The following CTNNA2 variants were observed in gnomAD, a reference collection of about 807,000 sequenced individuals.
The protein encoded by CTNNA2 is catenin alpha 2.
In CTNNA2, 42 loss-of-function variants were observed where a neutral mutation model predicts 101.0. The observed-to-expected ratio is 0.42, with a 90% CI of 0.32 to 0.54. CTNNA2 has a LOEUF of 0.54. Ranked by LOEUF, CTNNA2 falls within the 20% of genes least tolerant of loss-of-function variation. CTNNA2 has a pLI of 0.14. For synonymous variants in CTNNA2, 450 were observed against 456.4 expected (o/e 0.99, Z 0.18); for missense variants, 871 against 1,223.1 (o/e 0.71, Z 4.29).
chr2:79,693,518 C>G (rs1012021755), intron 2 of CTNNA2, among the ~76,000 whole-genome samples: 1 of 151,712 alleles, frequency 6.6e-6, no homozygotes, highest in Non-Finnish European at 1.5e-5. Context: ...TGTTTTTGTA[C>G]TAATGGGAAT....
intron 1 of CTNNA2, among the ~76,000 whole-genome samples, chr2:79,635,504 C>T (rs1172131399): frequency 1.3e-5 from 2 of 151,640 alleles, no homozygotes; most frequent in African/African-American, 4.8e-5. Context: ...GATAGTTCTT[C>T]TTCTTCTTTT....
rs139069744 is a variant in CTNNA2, at chr2:80,091,511, G to A, written c.1056+181714G>A. 3.2e-3 allele frequency among the ~76,000 whole-genome samples: 483 copies of A among 152,242 alleles called. 3 individuals carry two copies. The highest frequency in any genetic ancestry group is 0.011 in the African/African-American group (459 of 41,546). ...AAACGATTAGAGAATTCTGATGATA[G>A]CTGTGGGGATTTGGGCTAGAGCCAG... On this transcript the variant is annotated intron_variant, in intron 7 of 18. Transcript: ENST00000402739.
chr2:80,353,089 T>G (rs2149301881), intron 7 of CTNNA2, among the ~76,000 whole-genome samples: 1 of 152,220 alleles, frequency 6.6e-6, no homozygotes, highest in Middle Eastern at 3.4e-3. Context: ...TTCATCTTGT[T>G]CCACCAAAAT....
intron 2 of CTNNA2, among the ~76,000 whole-genome samples, chr2:79,668,542 C>G (rs1682606251): frequency 6.6e-6 from 1 of 152,072 alleles, no homozygotes; most frequent in Non-Finnish European, 1.5e-5. Flanking sequence ...GAATAAGAAC[C>G]ACCTCCTTGA....
At chr2:79,566,787 T>C (rs1042590851) in intron 1 of CTNNA2, among the ~76,000 whole-genome samples, 2 of 152,174 alleles carry the variant, frequency 1.3e-5, no homozygotes, top group Non-Finnish European at 2.9e-5. Context: ...ATGTGCCCGG[T>C]GTGATAATAT....
chr2:80,393,350 T>C (rs1677701013), intron 8 of CTNNA2, 59 bp downstream of exon 8: 1 of 1,236,672 alleles, frequency 8.1e-7, no homozygotes, highest in Non-Finnish European at 1.2e-6. Flanking sequence ...TCCAACAATA[T>C]CCTTTTCCAG....
rs768032375 is a variant in CTNNA2, at chr2:79,285,108, C to A, written c.-405-27601C>A. On this transcript the variant is annotated intron_variant, in intron 2 of 21. Coordinates refer to the CTNNA2 transcript ENST00000466387. Reference sequence around the variant, plus strand: ...ATTTCTGTGGGATCGGTGGTGATATCCCCTTTATCATTTTTTATTGTGTCT... The same window carrying A: ...ATTTCTGTGGGATCGGTGGTGATATACCCTTTATCATTTTTTATTGTGTCT... 2.0e-5 allele frequency among the ~76,000 whole-genome samples: 3 copies of A among 151,008 alleles called. No homozygotes were observed. The East Asian group carries it at 5.9e-4, about 30-fold the overall frequency.
intron 7 of CTNNA2, among the ~76,000 whole-genome samples, chr2:80,190,523 A>T (rs550662019): frequency 8.5e-5 from 13 of 152,232 alleles, no homozygotes; most frequent in Admixed American, 7.8e-4. Flanking sequence ...GGGGGTTCAG[A>T]TGTTTATTAT....
chr2:79,487,068 T>G (rs1241036434), intron 4 of CTNNA2, among the ~76,000 whole-genome samples: 4 of 152,202 alleles, frequency 2.6e-5, no homozygotes, highest in Non-Finnish European at 4.4e-5. Flanking sequence ...CTACTAATGC[T>G]TTTTAAAAAA....
chr2:80,280,542 GA>G (rs995547708), intron 7 of CTNNA2, among the ~76,000 whole-genome samples: 31 of 151,784 alleles, frequency 2.0e-4, no homozygotes, highest in African/African-American at 7.3e-4. Flanking sequence ...ATCTTGCGCT[GA>G]TCTTACACAC....
chr2:80,313,659 G>T, intron 7 of CTNNA2: 1 of 1,599,166 alleles, frequency 6.3e-7, no homozygotes, highest in Middle Eastern at 1.7e-4. Context: ...GCACAGGTAT[G>T]CAGGAGAAGG....
chr2:80,461,899 G>T (rs1278862026), intron 9 of CTNNA2, among the ~76,000 whole-genome samples: 1 of 152,186 alleles, frequency 6.6e-6, no homozygotes, highest in Admixed American at 6.5e-5. Context: ...TCTAGAAGGG[G>T]AGCTCCAGCT....
At chr2:79,791,582 A>G (rs539749013) in intron 3 of CTNNA2, among the ~76,000 whole-genome samples, 6 of 152,298 alleles carry the variant, frequency 3.9e-5, no homozygotes, top group Admixed American at 1.3e-4. Flanking sequence ...TTATTTTATG[A>G]AAACATATAC....
At position 79,956,843 on chromosome 2, in the gene CTNNA2, G is replaced by GTTTTTTGTTTTTTTT. The variant is rs1553413397; in HGVS notation, c.1056+47052_1056+47053insGTTTTTTTTTTTTTT. ...TTTCATTTACTATGAATACGTGTGG[G>GTTTTTTGTTTTTTTT]TTTTTTTTTTTTTTTTTTTTTTTTT... On this transcript the variant is annotated intron_variant, in intron 7 of 18. Coordinates refer to ENST00000402739, the MANE Select transcript of CTNNA2 (RefSeq NM_001282597.3). 8.7e-4 allele frequency among the ~76,000 whole-genome samples: 86 copies of GTTTTTTGTTTTTTTT among 98,908 alleles called. 1 individual carries two copies. Among genetic ancestry groups the GTTTTTTGTTTTTTTT allele is most frequent in the African/African-American group, 3.9e-3 (83 of 21,356 alleles). The allele number at this position is 98,908 out of a possible 152,430, so 64.9% of individuals were successfully genotyped here.
At chr2:79,834,788 C>G (rs867412189) in intron 3 of CTNNA2, among the ~76,000 whole-genome samples, 3 of 152,016 alleles carry the variant, frequency 2.0e-5, no homozygotes, top group Admixed American at 6.6e-5. Context: ...AACCCAATAT[C>G]ATAAATATAT....
intron 4 of CTNNA2, among the ~76,000 whole-genome samples, chr2:79,427,985 C>T (rs1414047944): frequency 1.3e-5 from 2 of 152,078 alleles, no homozygotes; most frequent in African/African-American, 4.8e-5. Flanking sequence ...TCTTAAATTC[C>T]ATCAGCCTCA....
chr2:79,894,333 C>T (rs570340237), intron 6 of CTNNA2, among the ~76,000 whole-genome samples: 7 of 151,900 alleles, frequency 4.6e-5, no homozygotes, highest in East Asian at 1.9e-4. Flanking sequence ...CCCTGCCCCC[C>T]GCCCCACCAA....
In CTNNA2 at chr2:79,982,192, CTATATATATATATA is replaced by C. The variant is rs70940064; in HGVS notation, c.1056+72431_1056+72444del. Reference sequence around the variant, plus strand: ...TACCTGAGACCACAGGCATGTGCCACTATATATATATATATATATATATATATATATATATATAT... The same window carrying C: ...TACCTGAGACCACAGGCATGTGCCACTATATATATATATATATATATATAT... On this transcript the variant is annotated intron_variant, in intron 7 of 18. Coordinates refer to ENST00000402739, the MANE Select transcript of CTNNA2 (RefSeq NM_001282597.3). Among the ~76,000 whole-genome samples, 285 of 75,028 alleles carry C rather than the reference CTATATATATATATA, an allele frequency of 3.8e-3. 5 individuals carry two copies. Among genetic ancestry groups the C allele is most frequent in the African/African-American group, 0.017 (241 of 14,370 alleles). The allele number at this position is 75,028 out of a possible 152,430, so 49.2% of individuals were successfully genotyped here.
intron 15 of CTNNA2, among the ~76,000 whole-genome samples, chr2:80,590,635 C>G (rs1049174407): frequency 3.7e-4 from 57 of 152,216 alleles, no homozygotes; most frequent in African/African-American, 1.3e-3. Context: ...AACATCTCTG[C>G]GTCACCCCCT....
Sources: gnomAD v4.1 joint callset for allele counts (sites outside exome capture counted in the v4.1 genomes callset) on GRCh38, gnomAD v4.1.1 for gene constraint, MANE v1.5 for transcripts, NCBI Gene and HGNC (gene_info 2026-07-23, HGNC 2026-07-21) for gene names.